ENTREP2: variants seen among roughly 807,000 people sequenced by gnomAD.
ENTREP2 encodes protein ENTREP2.
At chr15:29,240,278 C>T in the ENTREP2 span, among the ~76,000 whole-genome samples, 53,495 of 151,342 alleles carry the variant, frequency 0.35, 10,005 homozygotes, top group East Asian at 0.59. Context: ...GCAGGAGAAT[C>T]GCTTGAACCC....
the ENTREP2 span, among the ~76,000 whole-genome samples, chr15:29,251,744 C>CTT: frequency 0.53 from 51,818 of 97,656 alleles, 14,688 homozygotes; most frequent in Non-Finnish European, 0.64. Context: ...TTTTTTGTGA[C>CTT]TTTTTTTTTT....
the ENTREP2 span, among the ~76,000 whole-genome samples, chr15:29,586,655 A>C: frequency 3.9e-4 from 59 of 151,990 alleles, no homozygotes; most frequent in Non-Finnish European, 7.6e-4. Flanking sequence ...AGGCTGAGAC[A>C]CGAGAATCAC....
chr15:29,578,541 G>A, the ENTREP2 span, among the ~76,000 whole-genome samples: 1 of 152,206 alleles, frequency 6.6e-6, no homozygotes, highest in Non-Finnish European at 1.5e-5. Context: ...GGTCAACTAA[G>A]TGCAGGGAGA....
At chr15:29,597,062 T>C in the ENTREP2 span, among the ~76,000 whole-genome samples, 6 of 148,762 alleles carry the variant, frequency 4.0e-5, no homozygotes, top group Non-Finnish European at 6.0e-5. Context: ...AATCCTTGTA[T>C]ATGCCATTAT....
the ENTREP2 span, among the ~76,000 whole-genome samples, chr15:29,562,770 T>C: frequency 7.2e-6 from 1 of 138,808 alleles, no homozygotes; most frequent in African/African-American, 2.6e-5. Flanking sequence ...TGGTTTTTTT[T>C]GGTGTTTTTG....
the ENTREP2 span, among the ~76,000 whole-genome samples, chr15:29,148,723 A>T: frequency 1.3e-5 from 2 of 152,124 alleles, no homozygotes; most frequent in African/African-American, 4.8e-5. Context: ...TCTGAGAGTC[A>T]GTCTGCTGTG....
chr15:29,391,985 T>C, the ENTREP2 span, among the ~76,000 whole-genome samples: 3,358 of 152,216 alleles, frequency 0.022, 116 homozygotes, highest in African/African-American at 0.076. Context: ...CCACCATGCC[T>C]GGCTAATTTT....
At chr15:29,139,069 C>A in the ENTREP2 span, among the ~76,000 whole-genome samples, 4,972 of 152,062 alleles carry the variant, frequency 0.033, 273 homozygotes, top group African/African-American at 0.11. Flanking sequence ...TGCCTTCTGG[C>A]AGCAGGGGTA....
chr15:29,232,486 T>TG, the ENTREP2 span, among the ~76,000 whole-genome samples: 3,156 of 150,948 alleles, frequency 0.021, 118 homozygotes, highest in African/African-American at 0.073. Context: ...TTTAAAGAGA[T>TG]GGGGGGTCTC....
chr15:29,297,280 A>T, the ENTREP2 span, among the ~76,000 whole-genome samples: 2 of 152,178 alleles, frequency 1.3e-5, no homozygotes, highest in Non-Finnish European at 2.9e-5. Flanking sequence ...GACATATGGA[A>T]AGCTCACACT....
the ENTREP2 span, among the ~76,000 whole-genome samples, chr15:29,331,039 C>G: frequency 6.6e-6 from 1 of 152,176 alleles, no homozygotes; most frequent in South Asian, 2.1e-4. Context: ...CCCACTATAC[C>G]CAGGGCAAGC....
the ENTREP2 span, among the ~76,000 whole-genome samples, chr15:29,330,453 A>T: frequency 2.0e-5 from 3 of 152,094 alleles, no homozygotes; most frequent in Admixed American, 2.0e-4. Context: ...TGTCTCAAAA[A>T]AAATAAATAA....
the ENTREP2 span, among the ~76,000 whole-genome samples, chr15:29,257,365 G>A: frequency 1.3e-5 from 2 of 152,124 alleles, no homozygotes; most frequent in African/African-American, 2.4e-5. Context: ...GAGCCACCGC[G>A]CCAGGCCAAA....
the ENTREP2 span, among the ~76,000 whole-genome samples, chr15:29,486,964 G>A: frequency 0.044 from 6,651 of 152,174 alleles, 485 homozygotes; most frequent in African/African-American, 0.15. Flanking sequence ...ATGAATTCTG[G>A]TGTTCTATAG....
the ENTREP2 span, among the ~76,000 whole-genome samples, chr15:29,313,416 T>C: frequency 6.6e-6 from 1 of 152,244 alleles, no homozygotes; most frequent in African/African-American, 2.4e-5. Flanking sequence ...TAGGAGCTAA[T>C]GCAGCTGGTC....
At chr15:29,121,647 C>T in the ENTREP2 span, 4 of 152,208 alleles carry the variant, frequency 2.6e-5, no homozygotes, top group Non-Finnish European at 4.4e-5. Flanking sequence ...TTAGAGATTT[C>T]CTGTTTTATA....
At chr15:29,607,047 G>A in the ENTREP2 span, among the ~76,000 whole-genome samples, 1 of 152,112 alleles carries the variant, frequency 6.6e-6, no homozygotes, top group Non-Finnish European at 1.5e-5. Context: ...TGGCCAGGCT[G>A]TTCTCGAATT....
chr15:29,552,793 T>G, the ENTREP2 span, among the ~76,000 whole-genome samples: 1 of 152,128 alleles, frequency 6.6e-6, no homozygotes, highest in Non-Finnish European at 1.5e-5. Context: ...GTTGACTGTT[T>G]GCAGAATTTT....
chr15:29,388,558 C>A, the ENTREP2 span, among the ~76,000 whole-genome samples: 1 of 152,170 alleles, frequency 6.6e-6, no homozygotes, highest in East Asian at 1.9e-4. Context: ...GACAGTGTGG[C>A]AATTCCTCAG....
Sources: gnomAD v4.1 joint callset for allele counts (sites outside exome capture counted in the v4.1 genomes callset) on GRCh38, gnomAD v4.1.1 for gene constraint, MANE v1.5 for transcripts, NCBI Gene and HGNC (gene_info 2026-07-23, HGNC 2026-07-21) for gene names.